KCNH1: variants seen among roughly 807,000 people sequenced by gnomAD.
KCNH1 encodes the protein voltage-gated delayed rectifier potassium channel KCNH1.
Under a neutral mutation model 69.2 loss-of-function variants are expected in KCNH1, and 27 were observed. The ratio of observed to expected loss-of-function variants is 0.39; its 90% CI spans 0.29 to 0.54. The LOEUF (loss-of-function observed/expected upper bound fraction) is 0.54, where lower values mean the gene tolerates loss of function less well. KCNH1 is among the 20% of genes least tolerant of loss of function. The pLI is 0.68. For missense variants in KCNH1, 798 were observed against 1,261.6 expected (o/e 0.63, Z 5.57); for synonymous variants, 456 against 487.7 (o/e 0.93, Z 0.86).
At chr1:210,974,285 G>A (rs1016324611) in intron 6 of KCNH1, among the ~76,000 whole-genome samples, 2 of 152,016 alleles carry the variant, frequency 1.3e-5, no homozygotes, top group Non-Finnish European at 2.9e-5. Context: ...ATATGAACTT[G>A]TGGATTTTTT....
intron 6 of KCNH1, among the ~76,000 whole-genome samples, chr1:210,962,245 G>A (rs372098160): frequency 4.1e-4 from 62 of 152,266 alleles, no homozygotes; most frequent in African/African-American, 1.4e-3. Context: ...GAATTATAAG[G>A]CTCAGATTGT....
intron 1 of KCNH1, among the ~76,000 whole-genome samples, chr1:211,114,019 G>C (rs1015657463): frequency 6.6e-5 from 10 of 151,304 alleles, no homozygotes; most frequent in Non-Finnish European, 1.2e-4. Flanking sequence ...CACACACACA[G>C]AGAAAGAGAG....
At chr1:211,094,321 G>A (rs1446393514) in intron 3 of KCNH1, among the ~76,000 whole-genome samples, 1 of 152,282 alleles carries the variant, frequency 6.6e-6, no homozygotes, top group Non-Finnish European at 1.5e-5. Context: ...TCGCTCAGCT[G>A]TCGCTCACCT....
At chr1:210,810,652 T>C (rs10863858) in intron 7 of KCNH1, among the ~76,000 whole-genome samples, 42,840 of 152,038 alleles carry the variant, frequency 0.28, 6,538 homozygotes, top group East Asian at 0.64. Flanking sequence ...TTCCATGAGA[T>C]TTTTTTCATT....
chr1:210,707,991 G>A (rs1331254241), intron 10 of KCNH1, among the ~76,000 whole-genome samples: 1 of 152,156 alleles, frequency 6.6e-6, no homozygotes, highest in Non-Finnish European at 1.5e-5. Context: ...ACATGGCAAG[G>A]CTGGACACAA....
chr1:210,944,328 G>A (rs1344262767), intron 6 of KCNH1, among the ~76,000 whole-genome samples: 3 of 152,170 alleles, frequency 2.0e-5, no homozygotes, highest in African/African-American at 7.2e-5. Context: ...CTTTCCTGGT[G>A]ATACTAGGAC....
chr1:211,063,167 T>C (rs1424894620), intron 5 of KCNH1, among the ~76,000 whole-genome samples: 4 of 152,118 alleles, frequency 2.6e-5, no homozygotes, highest in African/African-American at 9.7e-5. Context: ...ACAACATGGA[T>C]GGAAGTGGAG....
At position 211,008,754 on chromosome 1, in the gene KCNH1, T is replaced by A. The variant is rs1264176850; in HGVS notation, c.1032+10029A>T. Reference sequence around the variant, plus strand: ...GTAGTGGTTATGTGCAAGTATACATTTGTAAAAATTCACTAAGCTGTATAC... The same window carrying A: ...GTAGTGGTTATGTGCAAGTATACATATGTAAAAATTCACTAAGCTGTATAC... On this transcript the variant is annotated intron_variant, in intron 6 of 10. Transcript: ENST00000271751. 7.2e-5 allele frequency among the ~76,000 whole-genome samples: 11 copies of A among 152,238 alleles called. No homozygotes were observed. The East Asian group carries it at 2.1e-3, about 29-fold the overall frequency.
In KCNH1 at chr1:210,981,865, C is replaced by A. The variant is rs567879975; in HGVS notation, c.1032+36918G>T. On this transcript the variant is annotated intron_variant, in intron 6 of 10. Coordinates refer to ENST00000271751, the MANE Select transcript of KCNH1 (RefSeq NM_172362.3). ...AGCTAAAATTTTCAAGCTTTCAAGG[C>A]AGGGTAAAGAGGGGCCAGGGGAATG... 1.6e-3 allele frequency among the ~76,000 whole-genome samples: 248 copies of A among 152,102 alleles called. 2 individuals carry two copies. The highest frequency in any genetic ancestry group is 8.6e-3 in the Admixed American group (132 of 15,270).
Position 210,873,796 on chromosome 1 carries a change from TAA to T in KCNH1, c.1462+45842_1462+45843del, listed in dbSNP as rs200444197. On this transcript the variant is annotated intron_variant, in intron 7 of 10. Transcript: ENST00000271751. ...ATAATCATAGGGAGATTTATGAAAA[TAA>T]AAGACTTAAAGAATTTCAAAAAGTC... Among the ~76,000 whole-genome samples the T allele has an allele frequency of 6.3e-3, 952 of 152,190 alleles. 12 individuals carry two copies. Among genetic ancestry groups the T allele is most frequent in the African/African-American group, 0.022 (914 of 41,524 alleles).
chr1:211,077,172 T>C (rs998703934), intron 5 of KCNH1, among the ~76,000 whole-genome samples: 5 of 152,154 alleles, frequency 3.3e-5, no homozygotes, highest in African/African-American at 7.2e-5. Flanking sequence ...TGGAACCAAG[T>C]TGGAAAACAC....
chr1:211,032,380 A>G (rs559840562), intron 5 of KCNH1, among the ~76,000 whole-genome samples: 18 of 152,328 alleles, frequency 1.2e-4, no homozygotes, highest in Non-Finnish European at 2.4e-4. Flanking sequence ...CAAGCTATCA[A>G]TGACTTTCTT....
At chr1:210,694,729 G>A (rs1574186946) in intron 10 of KCNH1, among the ~76,000 whole-genome samples, 1 of 152,174 alleles carries the variant, frequency 6.6e-6, no homozygotes, top group East Asian at 1.9e-4. Context: ...TTTCACTGGG[G>A]TTTTAAGCCT....
rs1210195696 is a variant in KCNH1 at position 210,679,064 on chromosome 1, ACTT to A, written c.*4214_*4216del. ...TGAGCTGTAGGGGGTAGAAATTAAA[ACTT>A]CTCAACATGAACACCTTTGGTGAGA... On this transcript the variant is annotated 3_prime_UTR_variant, in exon 11 of 11. Transcript: ENST00000271751. The A allele has an allele frequency of 2.0e-5, 3 of 152,176 alleles. No individual in the cohort carries two copies. The highest frequency in any genetic ancestry group is 4.8e-5 in the African/African-American group (2 of 41,446). The allele number at this position is 152,176 out of a possible 1,614,324, so 9.4% of individuals were successfully genotyped here. A position where few individuals can be genotyped will look rare whatever the true frequency, so the allele number is the denominator to read the frequency against.
intron 9 of KCNH1, among the ~76,000 whole-genome samples, chr1:210,790,253 A>T (rs1684187021): frequency 6.6e-6 from 1 of 152,206 alleles, no homozygotes; most frequent in Non-Finnish European, 1.5e-5. Context: ...ACAGGGTCCA[A>T]GTCCCTGCTG....
chr1:211,087,773 A>G (rs1431944789), intron 4 of KCNH1, among the ~76,000 whole-genome samples: 1 of 152,202 alleles, frequency 6.6e-6, no homozygotes, highest in South Asian at 2.1e-4. Context: ...CAAAAGACAG[A>G]GAGCAAAGTG....
At chr1:211,054,119 A>G (rs75260061) in intron 5 of KCNH1, among the ~76,000 whole-genome samples, 1 of 128,442 alleles carries the variant, frequency 7.8e-6, no homozygotes, top group Non-Finnish European at 1.6e-5. Flanking sequence ...AAAATAATAC[A>G]AAAAAAAAAA....
intron 5 of KCNH1, among the ~76,000 whole-genome samples, chr1:211,027,115 C>T (rs1167710765): frequency 6.6e-6 from 1 of 152,036 alleles, no homozygotes; most frequent in Non-Finnish European, 1.5e-5. Flanking sequence ...TCAATAGATG[C>T]CAACACCAAA....
chr1:210,835,617 C>G (rs1487058910), intron 7 of KCNH1, among the ~76,000 whole-genome samples: 1 of 152,112 alleles, frequency 6.6e-6, no homozygotes, highest in African/African-American at 2.4e-5. Flanking sequence ...ACCATACCAA[C>G]AGAACCACTA....
Sources: gnomAD v4.1 joint callset for allele counts (sites outside exome capture counted in the v4.1 genomes callset) on GRCh38, gnomAD v4.1.1 for gene constraint, MANE v1.5 for transcripts, NCBI Gene and HGNC (gene_info 2026-07-23, HGNC 2026-07-21) for gene names.